Variants in COL23A1 observed in about 807,000 individuals in gnomAD.
The protein encoded by COL23A1 is collagen alpha-1(XXIII) chain.
COL23A1 carries 97 observed loss-of-function variants against 99.3 expected under a neutral mutation model. The ratio of observed to expected loss-of-function variants is 0.98; its 90% CI spans 0.83 to 1.16. The LOEUF (loss-of-function observed/expected upper bound fraction) is 1.16. Among genes scored for constraint, COL23A1 ranks in the 50% most tolerant of loss-of-function variants. The pLI, the probability that COL23A1 is intolerant of heterozygous loss-of-function variation, is 0.00. For missense variants in COL23A1, 762 were observed against 757.4 expected (o/e 1.01, Z -0.07); for synonymous variants, 320 against 308.2 (o/e 1.04, Z -0.40).
chr5:178,513,600 G>A (rs1172686845), intron 2 of COL23A1, among the ~76,000 whole-genome samples: 2 of 152,142 alleles, frequency 1.3e-5, no homozygotes, highest in East Asian at 3.9e-4. Flanking sequence ...GTCAGTTCCT[G>A]TGGGTGTAGG....
intron 2 of COL23A1, among the ~76,000 whole-genome samples, chr5:178,460,673 T>A (rs1399470855): frequency 6.6e-6 from 1 of 152,214 alleles, no homozygotes; most frequent in Non-Finnish European, 1.5e-5. Flanking sequence ...GCTGGCTGCC[T>A]TTTGCTTCCA....
At chr5:178,411,867 A>C (rs11746864) in intron 2 of COL23A1, among the ~76,000 whole-genome samples, 6 of 152,082 alleles carry the variant, frequency 3.9e-5, no homozygotes, top group Non-Finnish European at 8.8e-5. Flanking sequence ...TTGGTAGAAC[A>C]TTTAAAGTTT....
intron 2 of COL23A1, among the ~76,000 whole-genome samples, chr5:178,393,069 C>G (rs952026068): frequency 6.6e-6 from 1 of 152,240 alleles, no homozygotes; most frequent in African/African-American, 2.4e-5. Flanking sequence ...AAAAGCAGCT[C>G]AAGCTCAGGC....
At chr5:178,270,448 G>A in intron 5 of COL23A1, 85 bp from the exon 6 acceptor site, 1 of 1,535,576 alleles carries the variant, frequency 6.5e-7, no homozygotes, top group Non-Finnish European at 8.9e-7. Flanking sequence ...ACTATTCAGT[G>A]ACAAGAAAAC....
intron 2 of COL23A1, among the ~76,000 whole-genome samples, chr5:178,356,380 A>AG (rs1169543143): frequency 5.9e-5 from 1 of 17,062 alleles, no homozygotes; most frequent in African/African-American, 2.8e-4. Flanking sequence ...AGCTGTTATG[A>AG]AAAAAGGCAA....
At chr5:178,551,169 A>C (rs1255113703) in intron 2 of COL23A1, among the ~76,000 whole-genome samples, 10 of 148,168 alleles carry the variant, frequency 6.7e-5, no homozygotes, top group Admixed American at 4.1e-4. Flanking sequence ...TATTATATTA[A>C]TATATTTTAT....
chr5:178,579,236 C>G (rs1763540059), intron 1 of COL23A1, among the ~76,000 whole-genome samples: 1 of 152,204 alleles, frequency 6.6e-6, no homozygotes, highest in Non-Finnish European at 1.5e-5. Flanking sequence ...AGAAAAAACT[C>G]TAATACCAGC....
chr5:178,425,863 G>A (rs1030863292), intron 2 of COL23A1, among the ~76,000 whole-genome samples: 2 of 152,246 alleles, frequency 1.3e-5, no homozygotes, highest in Non-Finnish European at 2.9e-5. Context: ...GAGTGCCGTG[G>A]CAGAGGCATC....
At chr5:178,568,780 A>G (rs550491298) in intron 1 of COL23A1, among the ~76,000 whole-genome samples, 18 of 152,274 alleles carry the variant, frequency 1.2e-4, no homozygotes, top group African/African-American at 3.6e-4. Flanking sequence ...CCTTTTTATG[A>G]CTGAATAATA....
chr5:178,590,130 C>T lies in COL23A1; in HGVS notation c.68G>A (p.Gly23Asp). 2.4e-6 allele frequency: 3 copies of T among 1,236,460 alleles called. No individual in the cohort carries two copies. The highest frequency in any genetic ancestry group is 3.0e-6 in the Non-Finnish European group (3 of 993,780). The allele number at this position is 1,236,460 out of a possible 1,614,324, so 76.6% of individuals were successfully genotyped here. Residue 23 changes from glycine (G) to aspartate (D), a missense_variant, in exon 1 of 29, where the codon GGC becomes GAC. Physicochemically the swap from Gly to Asp is moderately conservative, Grantham distance 94 (BLOSUM62 -1). Transcript: ENST00000390654. This position sits in a 1 kb window ranked among gnomAD's most constrained non-coding sequence, Gnocchi z 5.7. ...GGCCGTCGTCGCCGAGCGCCCTCCG[C>T]CGCCGCCGCCCGCCGCATTGCCCTT... ...AGKGNAAGGG[G>D]GGRSATTAGS...
intron 5 of COL23A1, among the ~76,000 whole-genome samples, chr5:178,287,425 C>CGAA (rs930755677): frequency 4.6e-5 from 7 of 152,218 alleles, no homozygotes; most frequent in African/African-American, 1.7e-4. Flanking sequence ...TCTGCATTCA[C>CGAA]AGAGCAGGAA....
At chr5:178,412,552 C>T (rs2127782512) in intron 2 of COL23A1, among the ~76,000 whole-genome samples, 1 of 152,270 alleles carries the variant, frequency 6.6e-6, no homozygotes, top group East Asian at 1.9e-4. Context: ...TTCTCTACCC[C>T]TTCCTTAATT....
chr5:178,422,545 T>A (rs1765690171), intron 2 of COL23A1, among the ~76,000 whole-genome samples: 1 of 151,536 alleles, frequency 6.6e-6, no homozygotes, highest in South Asian at 2.1e-4. Flanking sequence ...AGGCACATCA[T>A]CCCCCCGCTG....
Position 178,366,738 on chromosome 5 carries a change from TC to T in COL23A1, c.362-59820del, listed in dbSNP as rs539487026. On this transcript the variant is annotated intron_variant, in intron 2 of 28. Transcript: ENST00000390654. This position sits in a 1 kb window ranked among gnomAD's most constrained non-coding sequence, Gnocchi z 4.4. The stretch of plus-strand genomic sequence containing the variant: ...CCAAACCTCGCCGGAAGCACGTTCC[TC>T]CTCCGTGCCTGTGCTTCTGCTGGTC... 2.8e-3 allele frequency among the ~76,000 whole-genome samples: 431 copies of T among 152,320 alleles called. 2 individuals carry two copies. The highest frequency in any genetic ancestry group is 9.6e-3 in the African/African-American group (399 of 41,574).
In COL23A1 at chr5:178,366,242, G is replaced by A. The variant is rs956360910; in HGVS notation, c.362-59323C>T. On this transcript the variant is annotated intron_variant, in intron 2 of 28. Transcript: ENST00000390654. This position sits in a 1 kb window ranked among gnomAD's most constrained non-coding sequence, Gnocchi z 4.4. ...CTGCTGGCTGAAGGGCCTGCTCCCA[G>A]CCCAGCTTGGCTGTCCAGTGGGGAG... is the stretch of plus-strand genomic sequence containing the variant. Among the ~76,000 whole-genome samples the A allele has an allele frequency of 1.3e-5, 2 of 152,220 alleles. No individual in the cohort carries two copies. Among genetic ancestry groups the A allele is most frequent in the African/African-American group, 4.8e-5 (2 of 41,456 alleles).
intron 1 of COL23A1, among the ~76,000 whole-genome samples, chr5:178,585,517 T>G (rs200607008): frequency 0.41 from 3,542 of 8,606 alleles, 410 homozygotes; most frequent in Middle Eastern, 0.54. Context: ...ACACTCCACG[T>G]CCCTGGATGA....
chr5:178,300,278 G>A (rs1757962351), intron 3 of COL23A1, among the ~76,000 whole-genome samples: 1 of 150,756 alleles, frequency 6.6e-6, no homozygotes, highest in Non-Finnish European at 1.5e-5. Flanking sequence ...ATCTTGGCCG[G>A]GCTGGTCTTG....
intron 2 of COL23A1, among the ~76,000 whole-genome samples, chr5:178,499,155 A>G (rs917422414): frequency 6.6e-6 from 1 of 152,188 alleles, no homozygotes; most frequent in Non-Finnish European, 1.5e-5. Flanking sequence ...TATCAGCCAA[A>G]AAAGGAAAGA....
chr5:178,354,761 C>A (rs964331414), intron 2 of COL23A1, among the ~76,000 whole-genome samples: 16 of 152,110 alleles, frequency 1.1e-4, no homozygotes, highest in African/African-American at 3.9e-4. Flanking sequence ...GCCAATTAAA[C>A]CCTCTTTTCT....
Sources: allele counts gnomAD v4.1 joint callset (sites outside exome capture counted in the v4.1 genomes callset), GRCh38; gene constraint gnomAD v4.1.1; non-coding constraint Gnocchi (gnomAD v3.1); transcripts MANE v1.5; gene names NCBI Gene and HGNC (gene_info 2026-07-23, HGNC 2026-07-21).